The following ATP8A2 variants were observed in gnomAD, a reference collection of about 807,000 sequenced individuals.
The protein encoded by ATP8A2 is ATPase phospholipid transporting 8A2.
A neutral mutation model predicts 165.6 loss-of-function variants in ATP8A2; 100 were observed. The observed-to-expected ratio is 0.60, with a 90% CI of 0.51 to 0.71. The LOEUF (loss-of-function observed/expected upper bound fraction) is 0.71. Ranked by LOEUF, ATP8A2 falls within the 30% of genes least tolerant of loss-of-function variation. The pLI is 0.00. For synonymous variants in ATP8A2, 543 were observed against 548.8 expected (o/e 0.99, Z 0.15); for missense variants, 1,227 against 1,479.5 (o/e 0.83, Z 2.80).
intron 2 of ATP8A2, among the ~76,000 whole-genome samples, chr13:25,473,357 A>C (rs537012407): frequency 2.0e-5 from 3 of 152,276 alleles, no homozygotes; most frequent in African/African-American, 7.2e-5. Context: ...TCTACTAGGG[A>C]TTGATTTTCT....
At chr13:26,004,784 G>T (rs1956707640) in intron 35 of ATP8A2, among the ~76,000 whole-genome samples, 1 of 151,868 alleles carries the variant, frequency 6.6e-6, no homozygotes, top group Non-Finnish European at 1.5e-5. Context: ...TGTTAATGTA[G>T]TGTTTATAGA....
intron 33 of ATP8A2, among the ~76,000 whole-genome samples, chr13:25,955,893 C>T (rs1225684567): frequency 2.6e-5 from 4 of 152,102 alleles, no homozygotes; most frequent in Non-Finnish European, 5.9e-5. Context: ...ACTGGCAAAC[C>T]GAATCCAGCA....
At chr13:25,377,952 C>G (rs1000659625) in intron 1 of ATP8A2, among the ~76,000 whole-genome samples, 4 of 152,030 alleles carry the variant, frequency 2.6e-5, no homozygotes, top group African/African-American at 9.7e-5. Context: ...GACCCCATCT[C>G]TACAAAAAAA....
intron 25 of ATP8A2, among the ~76,000 whole-genome samples, chr13:25,729,880 A>G (rs1397317008): frequency 6.6e-6 from 1 of 152,176 alleles, no homozygotes; most frequent in South Asian, 2.1e-4. Flanking sequence ...AATTTGTATA[A>G]TTGTTAAATG....
intron 33 of ATP8A2, among the ~76,000 whole-genome samples, chr13:25,905,516 T>C (rs1953911175): frequency 1.3e-5 from 2 of 152,152 alleles, no homozygotes; most frequent in South Asian, 4.1e-4. Context: ...CTGCCTGGTA[T>C]CCCGTGCTAT....
At chr13:25,999,384 C>A (rs149325093) in intron 35 of ATP8A2, among the ~76,000 whole-genome samples, 1,954 of 152,218 alleles carry the variant, frequency 0.013, 23 homozygotes, top group Middle Eastern at 0.044. Context: ...GTCTTCTGAA[C>A]ACCTCAGAGG....
intron 24 of ATP8A2, among the ~76,000 whole-genome samples, chr13:25,629,128 G>A (rs1029585347): frequency 1.7e-4 from 26 of 152,116 alleles, no homozygotes; most frequent in African/African-American, 5.8e-4. Flanking sequence ...CTTGAGGACA[G>A]GATCAAACCA....
At chr13:25,482,869 C>T (rs2036246774) in intron 2 of ATP8A2, among the ~76,000 whole-genome samples, 1 of 152,200 alleles carries the variant, frequency 6.6e-6, no homozygotes, top group South Asian at 2.1e-4. Flanking sequence ...TGAGGCTTCC[C>T]CAGCCATGTG....
chr13:25,395,670 G>A (rs2033397202), intron 1 of ATP8A2, among the ~76,000 whole-genome samples: 1 of 152,038 alleles, frequency 6.6e-6, no homozygotes. Context: ...TGAGTATCTA[G>A]AACTACAGGC....
chr13:25,452,133 G>C (rs769321637), intron 1 of ATP8A2, among the ~76,000 whole-genome samples: 1 of 152,128 alleles, frequency 6.6e-6, no homozygotes, highest in Non-Finnish European at 1.5e-5. Flanking sequence ...GATTACAGGC[G>C]TGAGCCACCG....
chr13:25,413,242 T>C (rs970987272), intron 1 of ATP8A2, among the ~76,000 whole-genome samples: 20 of 151,978 alleles, frequency 1.3e-4, no homozygotes, highest in Non-Finnish European at 1.9e-4. Context: ...TCTTTTATAC[T>C]TGTAGTCAGA....
At chr13:25,660,913 C>A (rs2042036443) in intron 24 of ATP8A2, among the ~76,000 whole-genome samples, 1 of 152,114 alleles carries the variant, frequency 6.6e-6, no homozygotes, top group African/African-American at 2.4e-5. Flanking sequence ...GAGTGCCAAG[C>A]AGTGCAGACT....
intron 25 of ATP8A2, among the ~76,000 whole-genome samples, chr13:25,727,583 G>A (rs1360935519): frequency 6.6e-6 from 1 of 152,116 alleles, no homozygotes; most frequent in African/African-American, 2.4e-5. Context: ...CTTTCCCAGA[G>A]GGAGTTTTTC....
intron 25 of ATP8A2, among the ~76,000 whole-genome samples, chr13:25,730,429 A>AC (rs1403388934): frequency 1.3e-5 from 2 of 152,186 alleles, no homozygotes; most frequent in Non-Finnish European, 2.9e-5. Flanking sequence ...TGTGGGGACT[A>AC]CTTTCTATTA....
At chr13:25,736,536 A>C (rs533437762) in intron 25 of ATP8A2, among the ~76,000 whole-genome samples, 3 of 152,302 alleles carry the variant, frequency 2.0e-5, no homozygotes, top group African/African-American at 7.2e-5. Flanking sequence ...TACAAGTGTG[A>C]CTTTGGACAC....
At chr13:25,738,863 T>G (rs1481765305) in intron 25 of ATP8A2, among the ~76,000 whole-genome samples, 1 of 152,248 alleles carries the variant, frequency 6.6e-6, no homozygotes, top group African/African-American at 2.4e-5. Context: ...ATTTATTTTC[T>G]AAAAGAAACA....
chr13:25,587,203 A>AC (rs2039945973), intron 23 of ATP8A2, among the ~76,000 whole-genome samples: 1 of 151,224 alleles, frequency 6.6e-6, no homozygotes. Flanking sequence ...GATTGACACA[A>AC]TAAATAATTT....
chr13:25,496,217 G>C (rs1593401990), intron 2 of ATP8A2, among the ~76,000 whole-genome samples: 1 of 152,070 alleles, frequency 6.6e-6, no homozygotes, highest in East Asian at 1.9e-4. Context: ...ATGAATCATT[G>C]TTGAAGAGGA....
chr13:26,010,399 G>A (rs572465966), intron 35 of ATP8A2, among the ~76,000 whole-genome samples: 23 of 152,326 alleles, frequency 1.5e-4, no homozygotes, highest in African/African-American at 5.5e-4. Flanking sequence ...GTCCTGCATG[G>A]TCTCCAGCTT....
Sources: allele counts gnomAD v4.1 joint callset (sites outside exome capture counted in the v4.1 genomes callset), GRCh38; gene constraint gnomAD v4.1.1; transcripts MANE v1.5; gene names NCBI Gene and HGNC (gene_info 2026-07-23, HGNC 2026-07-21).